The following TBK1 variants were observed in gnomAD, a reference collection of about 807,000 sequenced individuals.
TBK1 encodes the protein TANK binding kinase 1, also known as serine/threonine-protein kinase TBK1.
A neutral mutation model predicts 99.9 loss-of-function variants in TBK1; 37 were observed. That is an observed-to-expected ratio of 0.37 (90% CI 0.28 to 0.49). The LOEUF (loss-of-function observed/expected upper bound fraction) is 0.49. Among genes scored for constraint, TBK1 ranks in the 20% least tolerant of loss-of-function variants. The probability of loss-of-function intolerance (pLI) is 0.98; values close to 1 mark genes in which losing one functional copy is unlikely to be tolerated. For missense variants in TBK1, 644 were observed against 872.5 expected, an observed-to-expected ratio of 0.74 and a Z score of 3.30; for synonymous variants, 258 against 279.8, an observed-to-expected ratio of 0.92 and a Z score of 0.78.
At chr12:64,484,106 A>G (rs1195509383) in intron 8 of TBK1, 197 bp from the exon 9 acceptor site, 1 of 445,058 alleles carries the variant, frequency 2.2e-6, no homozygotes, top group Admixed American at 3.8e-5. Context: ...ACATAAAAAT[A>G]CTTTAGAATT....
chr12:64,474,804 A>T (rs2040695723), intron 6 of TBK1, among the ~76,000 whole-genome samples: 2 of 152,210 alleles, frequency 1.3e-5, no homozygotes, highest in Non-Finnish European at 2.9e-5. Flanking sequence ...AAGTGAACTG[A>T]TTCCTTTTAC....
chr12:64,460,844 A>G (rs2040541421), intron 3 of TBK1, among the ~76,000 whole-genome samples: 1 of 151,762 alleles, frequency 6.6e-6, no homozygotes, highest in South Asian at 2.1e-4. Context: ...AAAAAAAAAA[A>G]AAAAAAAGAA....
chr12:64,472,828 G>C (rs530758312), intron 5 of TBK1, among the ~76,000 whole-genome samples: 2 of 152,182 alleles, frequency 1.3e-5, no homozygotes, highest in Non-Finnish European at 2.9e-5. Flanking sequence ...GAAAGTTTAT[G>C]AATTTGTGTT....
Position 64,481,888 on chromosome 12 carries a change from G to A in TBK1, c.859G>A (p.Ala287Thr). 1 of 1,609,598 alleles carries A rather than the reference G, an allele frequency of 6.2e-7. No homozygotes were observed. The highest frequency in any genetic ancestry group is 8.5e-7 in the Non-Finnish European group (1 of 1,178,144). ...CCCTGTTCTTGCAAACATCCTTGAA[G>A]CAGATCAGGAAAAGTGTTGGGGTTT... ...LTPVLANILE[A>T]DQEKCWGFDQ... Residue 287 changes from alanine (A) to threonine (T), a missense_variant, in exon 8 of 21, where the codon GCA becomes ACA. Physicochemically the swap from Ala to Thr is moderately conservative, Grantham distance 58. Around this residue, in one of 3 missense-constraint regions of TBK1, gnomAD observed 465 missense variants for 588.0 expected, o/e 0.79. Transcript: ENST00000331710.
At chr12:64,475,384 G>A (rs141264935) in intron 6 of TBK1, among the ~76,000 whole-genome samples, 5 of 152,172 alleles carry the variant, frequency 3.3e-5, no homozygotes, top group South Asian at 2.1e-4. Flanking sequence ...GATAGTGAAC[G>A]TGGTACCGAA....
At chr12:64,470,479 G>T (rs1182573472) in intron 5 of TBK1, among the ~76,000 whole-genome samples, 1 of 152,086 alleles carries the variant, frequency 6.6e-6, no homozygotes, top group African/African-American at 2.4e-5. Context: ...ACAAATGGTA[G>T]TATTGTTATT....
intron 9 of TBK1, among the ~76,000 whole-genome samples, chr12:64,484,865 A>G (rs1254393300): frequency 6.6e-6 from 1 of 152,210 alleles, no homozygotes; most frequent in Admixed American, 6.5e-5. Flanking sequence ...ATAAATTACT[A>G]TAGTTGAAAG....
chr12:64,484,313 T>C lies in TBK1; in HGVS notation c.1003T>C (p.Phe335Leu), dbSNP rs1383907519. ...ATTTTTCTCACACAGTGCTACTATA[T>C]TTCATGAACTGGTATATAAACAAAC... ...YIHSYNTATIFHELVYKQTKI... is the reference protein window; with the variant it reads ...YIHSYNTATILHELVYKQTKI... Residue 335 changes from phenylalanine (F) to leucine (L), a missense_variant, in exon 9 of 21, where the codon TTT becomes CTT. Coordinates refer to ENST00000331710, the MANE Select transcript of TBK1 (RefSeq NM_013254.4). The C allele has an allele frequency of 6.2e-7, 1 of 1,609,008 alleles. No individual in the cohort carries two copies. Among genetic ancestry groups the C allele is most frequent in the African/African-American group, 1.3e-5 (1 of 74,768 alleles).
rs751481440 is a variant in TBK1, at chr12:64,481,857, A to G, written c.828A>G (p.Leu276=). The G allele has an allele frequency of 9.4e-6, 15 of 1,602,128 alleles. No individual in the cohort carries two copies. Among genetic ancestry groups the G allele is most frequent in the Non-Finnish European group, 1.1e-5 (13 of 1,175,192 alleles). ...ACTATTTTAGGGGTCTTCAGGTTCT[A>G]CTTACCCCTGTTCTTGCAAACATCC... ...SCSLSRGLQV[L]LTPVLANILE... Residue 276 remains leucine (L), a synonymous_variant, in exon 8 of 21, where the codon CTA becomes CTG. Transcript: ENST00000331710.
chr12:64,474,334 T>C lies in TBK1; in HGVS notation c.645T>C (p.Ala215=). 6.2e-7 allele frequency: 1 copy of C among 1,614,136 alleles called. No individual in the cohort carries two copies. The change falls in exon 6 of 21, where the codon GCT becomes GCC. Residue 215 remains alanine, a synonymous_variant. Coordinates refer to ENST00000331710, the MANE Select transcript of TBK1 (RefSeq NM_013254.4). ...WSIGVTFYHA[A]TGSLPFRPFE... ...TTGGGGTAACATTTTACCATGCAGC[T>C]ACTGGATCACTGCCATTTAGACCCT... is the stretch of plus-strand genomic sequence containing the variant.
chr12:64,459,054 AG>A (rs1453155912), intron 2 of TBK1, among the ~76,000 whole-genome samples: 1 of 152,160 alleles, frequency 6.6e-6, no homozygotes, highest in Non-Finnish European at 1.5e-5. Context: ...GTGAGAGAGG[AG>A]GGTGATGGCT....
At position 64,493,056 on chromosome 12, in the gene TBK1, C is replaced by T. The variant is rs141644492; in HGVS notation, c.1522-2427C>T. Among the ~76,000 whole-genome samples the T allele has an allele frequency of 3.6e-3, 544 of 151,960 alleles. 4 individuals carry two copies. Among genetic ancestry groups the T allele is most frequent in the African/African-American group, 0.012 (517 of 41,458 alleles). ...GACTACAGGCTTCCACCACCAGGCC[C>T]GGCTAATTTTTGCATTTTTAGTAGA... On this transcript the variant is annotated intron_variant, in intron 13 of 20. Coordinates refer to ENST00000331710, the MANE Select transcript of TBK1 (RefSeq NM_013254.4).
intron 6 of TBK1, among the ~76,000 whole-genome samples, chr12:64,478,400 G>A (rs922144724): frequency 6.6e-6 from 1 of 152,094 alleles, no homozygotes; most frequent in African/African-American, 2.4e-5. Context: ...TCTGCCCCCC[G>A]CCTTGGTCTC....
chr12:64,459,916 C>G (rs1011533067), intron 2 of TBK1, among the ~76,000 whole-genome samples: 17 of 151,914 alleles, frequency 1.1e-4, no homozygotes, highest in Non-Finnish European at 2.1e-4. Context: ...TATTTTTGCC[C>G]CTACTGTATC....
At chr12:64,499,948 G>A (rs2040971540) in intron 20 of TBK1, among the ~76,000 whole-genome samples, 1 of 151,720 alleles carries the variant, frequency 6.6e-6, no homozygotes, top group Admixed American at 6.6e-5. Context: ...CACCTGCCTC[G>A]GCCTCCCTGA....
intron 1 of TBK1, chr12:64,452,757 ATGAAAT>A (rs2040441688): frequency 6.6e-6 from 1 of 152,250 alleles, no homozygotes; most frequent in African/African-American, 2.4e-5. Flanking sequence ...ATATATGCCG[ATGAAAT>A]ACGAATTCCC....
intron 6 of TBK1, among the ~76,000 whole-genome samples, chr12:64,476,131 T>A (rs929195950): frequency 6.6e-6 from 1 of 151,194 alleles, no homozygotes; most frequent in Non-Finnish European, 1.5e-5. Flanking sequence ...TCATGTTTGT[T>A]GGCAGCTTGC....
rs143155431 is a variant in TBK1, at chr12:64,482,779, G to T, written c.992+758G>T. 2.6e-4 allele frequency among the ~76,000 whole-genome samples: 39 copies of T among 152,256 alleles called. 1 individual carries two copies. The highest frequency in any genetic ancestry group is 8.7e-4 in the African/African-American group (36 of 41,562). ...TAGGCTAGCTACCCTATATAGCCTA[G>T]GTGTGTAGAAGGCTATACCATGTAG... On this transcript the variant is annotated intron_variant, in intron 8 of 20. Coordinates refer to ENST00000331710, the MANE Select transcript of TBK1 (RefSeq NM_013254.4).
chr12:64,475,574 C>T (rs114590221), intron 6 of TBK1, among the ~76,000 whole-genome samples: 1,935 of 152,210 alleles, frequency 0.013, 45 homozygotes, highest in African/African-American at 0.043. Flanking sequence ...AAGTTGTGAA[C>T]GCAAGATTTA....
Sources: gnomAD v4.1 joint callset for allele counts (sites outside exome capture counted in the v4.1 genomes callset) on GRCh38, gnomAD v4.1.1 for gene constraint, gnomAD v4.1.1 regional missense constraint, MANE v1.5 for transcripts, NCBI Gene and HGNC (gene_info 2026-07-23, HGNC 2026-07-21) for gene names.